The following ARHGAP15 variants were observed in gnomAD, a reference collection of about 807,000 sequenced individuals.
ARHGAP15 encodes the protein rho GTPase-activating protein 15.
In ARHGAP15, 51 loss-of-function variants were observed where a neutral mutation model predicts 63.7. The observed-to-expected ratio is 0.80, with a 90% CI of 0.64 to 1.01. The LOEUF (loss-of-function observed/expected upper bound fraction) is 1.01, where lower values mean the gene tolerates loss of function less well. ARHGAP15 is among the 50% of genes least tolerant of loss of function. The pLI is 0.00. For synonymous variants in ARHGAP15, 191 were observed against 193.8 expected (o/e 0.99, Z 0.12); for missense variants, 560 against 564.6 (o/e 0.99, Z 0.08).
chr2:143,300,718 C>CATCT (rs1378891746), intron 6 of ARHGAP15, among the ~76,000 whole-genome samples: 1 of 152,032 alleles, frequency 6.6e-6, no homozygotes, highest in African/African-American at 2.4e-5. Flanking sequence ...AAATAGCACA[C>CATCT]ATCTCATCCC....
intron 6 of ARHGAP15, among the ~76,000 whole-genome samples, chr2:143,276,789 A>AT (rs1318396226): frequency 6.6e-6 from 1 of 152,134 alleles, no homozygotes; most frequent in Non-Finnish European, 1.5e-5. Flanking sequence ...ACAGAGTAAG[A>AT]TTTTGTCTCT....
chr2:143,476,679 G>A (rs954611187), intron 8 of ARHGAP15, among the ~76,000 whole-genome samples: 1 of 152,166 alleles, frequency 6.6e-6, no homozygotes, highest in African/African-American at 2.4e-5. Context: ...AGCTCTGTTA[G>A]TCCATGATCT....
chr2:143,184,523 C>T lies in ARHGAP15; in HGVS notation c.166-17611C>T, dbSNP rs185070306. On this transcript the variant is annotated intron_variant, in intron 2 of 13. Coordinates refer to ENST00000295095, the MANE Select transcript of ARHGAP15 (RefSeq NM_018460.4). ...TGTGTATTAGTATGGGACTGGATAA[C>T]TAGTTATCTAATATCTAGTTACTTT... Among the ~76,000 whole-genome samples, 693 of 152,078 alleles carry T rather than the reference C, an allele frequency of 4.6e-3. 6 individuals are homozygous for T. The highest frequency in any genetic ancestry group is 0.01 in the Middle Eastern group (3 of 294).
chr2:143,277,156 T>C (rs1039278892), intron 6 of ARHGAP15, among the ~76,000 whole-genome samples: 3 of 152,132 alleles, frequency 2.0e-5, no homozygotes, highest in Non-Finnish European at 4.4e-5. Flanking sequence ...CCCTCTAGTA[T>C]GCCCAGGCAA....
At chr2:143,262,772 G>A (rs953453482) in intron 6 of ARHGAP15, among the ~76,000 whole-genome samples, 1 of 152,000 alleles carries the variant, frequency 6.6e-6, no homozygotes, top group Non-Finnish European at 1.5e-5. Context: ...CACATCATGA[G>A]TATCCATAGT....
chr2:143,137,784 G>A (rs1689206305), intron 1 of ARHGAP15, among the ~76,000 whole-genome samples: 1 of 152,060 alleles, frequency 6.6e-6, no homozygotes, highest in African/African-American at 2.4e-5. Flanking sequence ...GAAATTGGAT[G>A]CTGAGTCAAG....
intron 11 of ARHGAP15, among the ~76,000 whole-genome samples, chr2:143,575,969 G>A (rs1217175877): frequency 6.6e-6 from 1 of 152,056 alleles, no homozygotes. Context: ...CTAGATGGAA[G>A]GAATGTGTTA....
chr2:143,476,182 T>C (rs1574501309), intron 8 of ARHGAP15, among the ~76,000 whole-genome samples: 1 of 152,184 alleles, frequency 6.6e-6, no homozygotes, highest in East Asian at 1.9e-4. Context: ...TTCTTTGGGC[T>C]CTGGGGTACT....
At chr2:143,683,444 CAT>C (rs943517217) in intron 12 of ARHGAP15, among the ~76,000 whole-genome samples, 26 of 147,578 alleles carry the variant, frequency 1.8e-4, no homozygotes, top group Non-Finnish European at 3.0e-4. Flanking sequence ...GAAAAAAAAA[CAT>C]ATTGGGAAAA....
intron 12 of ARHGAP15, among the ~76,000 whole-genome samples, chr2:143,698,627 C>T (rs1683953730): frequency 6.6e-6 from 1 of 151,998 alleles, no homozygotes; most frequent in African/African-American, 2.4e-5. Context: ...AAACGAAGCA[C>T]TATAAAAAGT....
rs187479793 is a variant in ARHGAP15 at position 143,212,725 on chromosome 2, G to A, written c.235-3659G>A. Among the ~76,000 whole-genome samples the A allele has an allele frequency of 3.6e-3, 542 of 152,252 alleles. 6 individuals carry two copies. Among genetic ancestry groups the A allele is most frequent in the Non-Finnish European group, 3.9e-3 (264 of 68,020 alleles). Reference sequence around the variant, plus strand: ...AATAATTATTAGAGAAACTAATAAGGTACCATATATAAACCCACATGCAAA... The same window carrying A: ...AATAATTATTAGAGAAACTAATAAGATACCATATATAAACCCACATGCAAA... On this transcript the variant is annotated intron_variant, in intron 3 of 13. Coordinates refer to ENST00000295095, the MANE Select transcript of ARHGAP15 (RefSeq NM_018460.4).
chr2:143,449,525 G>T (rs1690298967), intron 8 of ARHGAP15, among the ~76,000 whole-genome samples: 1 of 151,976 alleles, frequency 6.6e-6, no homozygotes, highest in South Asian at 2.1e-4. Flanking sequence ...TTTCAGGTTA[G>T]ATGTTAAAAT....
intron 10 of ARHGAP15, among the ~76,000 whole-genome samples, chr2:143,550,822 A>G (rs1695526360): frequency 6.6e-6 from 1 of 152,234 alleles, no homozygotes; most frequent in East Asian, 1.9e-4. Flanking sequence ...ACCCATAGAT[A>G]AGTCTCAAAA....
chr2:143,486,171 C>T (rs1187070167), intron 8 of ARHGAP15, among the ~76,000 whole-genome samples: 1 of 152,072 alleles, frequency 6.6e-6, no homozygotes, highest in African/African-American at 2.4e-5. Context: ...AATAAAGTAT[C>T]CCAAACCCTC....
Position 143,136,086 on chromosome 2 carries a change from C to T in ARHGAP15, c.-15+6620C>T, listed in dbSNP as rs1454845026. On this transcript the variant is annotated intron_variant, in intron 1 of 13. Coordinates refer to ENST00000295095, the MANE Select transcript of ARHGAP15 (RefSeq NM_018460.4). The stretch of plus-strand genomic sequence containing the variant: ...ACCCAGCCTGCTTCTTTCCTTTTTG[C>T]CTCCACCTTAGTTAATGACACCATA... Among the ~76,000 whole-genome samples, 3 of 152,156 alleles carry T rather than the reference C, an allele frequency of 2.0e-5. No homozygotes were observed. In the East Asian group the frequency reaches 5.8e-4, roughly 29 times the overall value.
chr2:143,667,035 A>G (rs1282660301), intron 12 of ARHGAP15, among the ~76,000 whole-genome samples: 11 of 149,470 alleles, frequency 7.4e-5, no homozygotes, highest in South Asian at 2.2e-4. Flanking sequence ...ATCTAGAACT[A>G]GAAATACCAT....
At chr2:143,400,270 G>A (rs1242834550) in intron 6 of ARHGAP15, among the ~76,000 whole-genome samples, 2 of 152,020 alleles carry the variant, frequency 1.3e-5, no homozygotes, top group African/African-American at 2.4e-5. Context: ...TTAAAATAAG[G>A]AGAAAATACA....
chr2:143,585,563 AC>A (rs1697079635), intron 11 of ARHGAP15, among the ~76,000 whole-genome samples: 1 of 152,180 alleles, frequency 6.6e-6, no homozygotes, highest in African/African-American at 2.4e-5. Context: ...GTTTAGTTCT[AC>A]TTGAATTTTA....
chr2:143,269,272 G>A (rs1424342488), intron 6 of ARHGAP15, among the ~76,000 whole-genome samples: 9 of 152,118 alleles, frequency 5.9e-5, no homozygotes, highest in South Asian at 2.1e-4. Flanking sequence ...GGGATTTTCA[G>A]AATTTAGATG....
Sources: allele counts gnomAD v4.1 joint callset (sites outside exome capture counted in the v4.1 genomes callset), GRCh38; gene constraint gnomAD v4.1.1; transcripts MANE v1.5; gene names NCBI Gene and HGNC (gene_info 2026-07-23, HGNC 2026-07-21).